The following GLDC variants were observed in gnomAD, a reference collection of about 807,000 sequenced individuals.
GLDC encodes the protein glycine dehydrogenase (decarboxylating), mitochondrial.
GLDC carries 104 observed loss-of-function variants against 121.3 expected under a neutral mutation model. That is an observed-to-expected ratio of 0.86 (90% CI 0.73 to 1.01). The LOEUF (loss-of-function observed/expected upper bound fraction) is 1.01, where lower values mean the gene tolerates loss of function less well. Ranked by LOEUF, GLDC falls within the 50% of genes least tolerant of loss-of-function variation. GLDC has a pLI of 0.00. For missense variants in GLDC, 1,429 were observed against 1,306.6 expected (o/e 1.09, Z -1.44); for synonymous variants, 546 against 480.6 (o/e 1.14, Z -1.78).
rs900327529 is a variant in GLDC, at chr9:6,610,504, T to C, written c.471-148A>G. ...ACACCAGTAAGCTTCTTTTTGGCCT[T>C]TGTAAAGCTTAGAATTAAATCATAG... On this transcript the variant is annotated intron_variant, in intron 3 of 24. Transcript: ENST00000321612. The C allele has an allele frequency of 9.4e-6, 7 of 743,104 alleles. No individual in the cohort carries two copies. In the African/African-American group the frequency reaches 1.0e-4, roughly 11 times the overall value. The allele number at this position is 743,104 out of a possible 1,614,324, so 46.0% of individuals were successfully genotyped here. A position where few individuals can be genotyped will look rare whatever the true frequency, so the allele number is the denominator to read the frequency against.
At position 6,620,250 on chromosome 9, in the gene GLDC, C is replaced by G; in HGVS notation, c.404G>C (p.Gly135Ala). ...SKNQIWRSYI[G>A]MGYYNCSVPQ... Reference sequence around the variant, plus strand: ...CACTGAGCAGTTATAATAGCCCATGCCAATATACGATCTCCAGATCTGGTT... The same window carrying G: ...CACTGAGCAGTTATAATAGCCCATGGCAATATACGATCTCCAGATCTGGTT... The change falls in exon 3 of 25, where the codon GGC becomes GCC. Residue 135 changes from glycine (G) to alanine (A), a missense_variant. Gly to Ala is a moderately conservative substitution (Grantham distance 60). Transcript: ENST00000321612. 6.2e-7 allele frequency: 1 copy of G among 1,613,308 alleles called. No individual in the cohort carries two copies.
chr9:6,622,717 G>A, intron 2 of GLDC: 1 of 200,190 alleles, frequency 5.0e-6, no homozygotes, highest in South Asian at 6.6e-5. Context: ...TCTGGGATGT[G>A]AGGAGCCCCT....
Position 6,606,643 on chromosome 9 carries a change from A to T in GLDC, c.662T>A (p.Val221Asp), listed in dbSNP as rs1313892401. 1 of 1,608,246 alleles carries T rather than the reference A, an allele frequency of 6.2e-7. No homozygotes were observed. ...YRHNKRRKFL[V>D]DPRCHPQTIA... ...TGTCTGTGGGTGGCAACGGGGATCA[A>T]CGAGAAATTTCCTCCTCTTGTTGTG... The change falls in exon 5 of 25, where the codon GTT (valine) becomes GAT (aspartate). Residue 221 changes from valine to aspartate, a missense_variant. By Grantham distance (152) the Val-to-Asp change is radical. Transcript: ENST00000321612.
chr9:6,593,970 G>A (rs1818436938), intron 9 of GLDC, among the ~76,000 whole-genome samples: 1 of 152,040 alleles, frequency 6.6e-6, no homozygotes, highest in Non-Finnish European at 1.5e-5. Context: ...TAGGATTACA[G>A]GCATGAGCCA....
At chr9:6,535,903 A>T in intron 23 of GLDC, 161 bp downstream of exon 23, 1 of 701,638 alleles carries the variant, frequency 1.4e-6, no homozygotes, top group Non-Finnish European at 2.5e-6. Flanking sequence ...GTTCAAGACG[A>T]TGGAAACTTC....
At chr9:6,612,589 A>G (rs1818881017) in intron 3 of GLDC, among the ~76,000 whole-genome samples, 1 of 151,780 alleles carries the variant, frequency 6.6e-6, no homozygotes, top group Non-Finnish European at 1.5e-5. Context: ...GGCCAGGCGC[A>G]GTGGCTCATG....
In GLDC at chr9:6,536,104, A is replaced by T. The variant is rs758029533; in HGVS notation, c.2798T>A (p.Ile933Asn). The T allele has an allele frequency of 6.2e-7, 1 of 1,614,108 alleles. No homozygotes were observed. The highest frequency in any genetic ancestry group is 2.2e-5 in the East Asian group (1 of 44,890). The change falls in exon 23 of 25, where the codon ATT becomes AAT. Residue 933 changes from isoleucine to asparagine, a missense_variant. Ile to Asn is a moderately radical substitution (Grantham distance 149). Coordinates refer to ENST00000321612, the MANE Select transcript of GLDC (RefSeq NM_000170.3). ...CCTGGGGTCGATGCGGCCCTCCTCA[A>T]TGTCAGCAATTTCCTGCCGAATGCT... is the stretch of plus-strand genomic sequence containing the variant. ...MISIRQEIAD[I>N]EEGRIDPRVN...
At chr9:6,579,745 A>T (rs1418012673) in intron 15 of GLDC, among the ~76,000 whole-genome samples, 1 of 152,182 alleles carries the variant, frequency 6.6e-6, no homozygotes, top group Non-Finnish European at 1.5e-5. Context: ...TCGAAGTTGT[A>T]TTGCTATAAC....
intron 12 of GLDC, 60 bp from the exon 13 acceptor site, chr9:6,588,762 C>G: frequency 1.0e-6 from 1 of 976,682 alleles, no homozygotes; most frequent in Non-Finnish European, 1.7e-6. Flanking sequence ...CATGCACATC[C>G]TCCTGACATA....
chr9:6,535,837 C>A, intron 23 of GLDC: 1 of 561,510 alleles, frequency 1.8e-6, no homozygotes. Flanking sequence ...AATTCTCCAA[C>A]TAGACAGCTG....
At chr9:6,606,094 T>G in intron 5 of GLDC, 1 of 160,208 alleles carries the variant, frequency 6.2e-6, no homozygotes, top group Non-Finnish European at 1.4e-5. Context: ...GGTCACGAGG[T>G]CAGGAGATCA....
chr9:6,570,944 T>G (rs1803425112), intron 15 of GLDC, among the ~76,000 whole-genome samples: 1 of 152,068 alleles, frequency 6.6e-6, no homozygotes, highest in Non-Finnish European at 1.5e-5. Flanking sequence ...TGAAAAATAT[T>G]TATTTTATGA....
rs1818407210 is a variant in GLDC, at chr9:6,592,966, A to G, written c.1286T>C (p.Leu429Pro). Reference protein sequence around the residue: ...SEGLKRAGHQLQHDLFFDTLK... With the variant: ...SEGLKRAGHQPQHDLFFDTLK... ...GGTATCAAAGAACAGGTCATGCTGG[A>G]GTTGATGCCCTGCTCGCTTGAGACC... The change falls in exon 10 of 25, where the codon CTC becomes CCC. Residue 429 changes from leucine to proline, a missense_variant. Coordinates refer to ENST00000321612, the MANE Select transcript of GLDC (RefSeq NM_000170.3). The G allele has an allele frequency of 7.5e-6, 12 of 1,610,524 alleles. No homozygotes were observed. In the East Asian group the frequency reaches 2.5e-4, roughly 33 times the overall value.
intron 3 of GLDC, among the ~76,000 whole-genome samples, chr9:6,619,173 A>G: frequency 7.0e-6 from 1 of 143,880 alleles, no homozygotes; most frequent in African/African-American, 2.6e-5. Flanking sequence ...AAAAAAAAAA[A>G]AAAGAAGAAG....
chr9:6,551,495 C>T (rs1171896300), intron 20 of GLDC, among the ~76,000 whole-genome samples: 1 of 152,162 alleles, frequency 6.6e-6, no homozygotes, highest in East Asian at 1.9e-4. Flanking sequence ...CTACTTTCTT[C>T]CCAGAGTACC....
intron 2 of GLDC, among the ~76,000 whole-genome samples, chr9:6,622,575 G>A (rs1321438201): frequency 6.6e-6 from 1 of 152,034 alleles, no homozygotes; most frequent in Non-Finnish European, 1.5e-5. Flanking sequence ...GTGCAGTGGC[G>A]TGATCTCGGC....
At chr9:6,586,104 T>A (rs1159965754) in intron 15 of GLDC, among the ~76,000 whole-genome samples, 1 of 152,132 alleles carries the variant, frequency 6.6e-6, no homozygotes, top group Non-Finnish European at 1.5e-5. Context: ...GAGACCAGCC[T>A]GACCAACATG....
At chr9:6,555,722 G>A (rs1817611961) in intron 18 of GLDC, among the ~76,000 whole-genome samples, 1 of 152,190 alleles carries the variant, frequency 6.6e-6, no homozygotes, top group South Asian at 2.1e-4. Context: ...AACCCAGGAG[G>A]TGGAGGTTGC....
chr9:6,564,780 C>G (rs1257678069), intron 16 of GLDC, among the ~76,000 whole-genome samples: 2 of 152,192 alleles, frequency 1.3e-5, no homozygotes, highest in East Asian at 1.9e-4. Flanking sequence ...ACAGTGGTCC[C>G]CAAGAGGCGA....
Sources: allele counts gnomAD v4.1 joint callset (sites outside exome capture counted in the v4.1 genomes callset), GRCh38; gene constraint gnomAD v4.1.1; transcripts MANE v1.5; gene names NCBI Gene and HGNC (gene_info 2026-07-23, HGNC 2026-07-21).